The following USP36 variants were observed in gnomAD, a reference collection of about 807,000 sequenced individuals.
USP36 encodes ubiquitin specific peptidase 36, also known as ubiquitin carboxyl-terminal hydrolase 36.
A neutral mutation model predicts 111.5 loss-of-function variants in USP36; 59 were observed. The observed-to-expected ratio is 0.53, with a 90% CI of 0.43 to 0.66. USP36 has a LOEUF of 0.66. Among genes scored for constraint, USP36 ranks in the 30% least tolerant of loss-of-function variants. The pLI is 0.00. For synonymous variants in USP36, 628 were observed against 581.0 expected (o/e 1.08, Z -1.16); for missense variants, 1,488 against 1,468.0 (o/e 1.01, Z -0.22).
intron 6 of USP36, among the ~76,000 whole-genome samples, chr17:78,822,325 TTC>T (rs2094349221): frequency 1.3e-5 from 2 of 152,184 alleles, no homozygotes; most frequent in South Asian, 4.1e-4. Flanking sequence ...GTGTTGCCTT[TTC>T]TTTTTGGTCT....
intron 3 of USP36, among the ~76,000 whole-genome samples, chr17:78,788,990 G>C (rs2093558836): frequency 6.6e-6 from 1 of 151,852 alleles, no homozygotes; most frequent in Non-Finnish European, 1.5e-5. Context: ...ACGAGGTCAG[G>C]AGTTCGAGAC....
At chr17:78,805,975 T>C (rs1207789698) in intron 15 of USP36, among the ~76,000 whole-genome samples, 181 bp downstream of exon 15, 1 of 152,120 alleles carries the variant, frequency 6.6e-6, no homozygotes, top group Non-Finnish European at 1.5e-5. Context: ...AAAGCTCCTT[T>C]ACCACAGGGG....
chr17:78,808,625 A>G (rs573132359), intron 13 of USP36, among the ~76,000 whole-genome samples: 12 of 152,368 alleles, frequency 7.9e-5, no homozygotes, highest in African/African-American at 2.9e-4. Context: ...GTTAATTTAT[A>G]TAAGCTATAT....
Position 78,836,091 on chromosome 17 carries a change from A to G in USP36, c.253+20T>C. The G allele has an allele frequency of 1.2e-6, 2 of 1,608,766 alleles. No homozygotes were observed. Among genetic ancestry groups the G allele is most frequent in the Non-Finnish European group, 1.7e-6 (2 of 1,176,776 alleles). On this transcript the variant is annotated intron_variant, in intron 3 of 20. Coordinates refer to ENST00000449938, the MANE Select transcript of USP36 (RefSeq NM_001385174.1). ...ACCCCGGAGTGAGGGCCTCTCTGCC[A>G]GCACACTGCACATCTGTACCCTGTC... is the stretch of plus-strand genomic sequence containing the variant.
intron 6 of USP36, chr17:78,826,698 G>A (rs2067570390): frequency 1.1e-5 from 2 of 189,236 alleles, no homozygotes; most frequent in South Asian, 1.1e-4. Context: ...GACAATTTGT[G>A]ATGGCAACCA....
intron 3 of USP36, among the ~76,000 whole-genome samples, chr17:78,789,457 G>T (rs1434636662): frequency 6.6e-6 from 1 of 152,106 alleles, no homozygotes; most frequent in African/African-American, 2.4e-5. Flanking sequence ...AGCTCTGCCA[G>T]GGAGCAAGCC....
downstream of USP36, chr17:78,791,802 A>G (rs1486502584): frequency 6.6e-6 from 1 of 152,242 alleles, no homozygotes; most frequent in East Asian, 1.9e-4. Flanking sequence ...GCCTTAAAAG[A>G]TTGTCCTGGA....
In USP36 at chr17:78,831,238, AAAAAAAAAAAAAAAAG is replaced by A. The variant is rs1345659527; in HGVS notation, c.476-2247_476-2232del. ...GAAACTCCATCTCAAAAAAAAAAAA[AAAAAAAAAAAAAAAAG>A]GGACAACATAAATATTGAAGAGCTC... is the stretch of plus-strand genomic sequence containing the variant. On this transcript the variant is annotated intron_variant, in intron 4 of 20. Transcript: ENST00000449938. Among the ~76,000 whole-genome samples the A allele has an allele frequency of 1.7e-4, 25 of 148,032 alleles. 1 individual carries two copies. Among genetic ancestry groups the A allele is most frequent in the African/African-American group, 4.7e-4 (19 of 40,038 alleles).
In USP36 at chr17:78,807,621, T is replaced by C. The variant is rs758693190; in HGVS notation, c.1423A>G (p.Thr475Ala). The C allele has an allele frequency of 2.6e-6, 4 of 1,530,500 alleles. No homozygotes were observed. Among genetic ancestry groups the C allele is most frequent in the Non-Finnish European group, 3.5e-6 (4 of 1,139,744 alleles). The allele number at this position is 1,530,500 out of a possible 1,614,324, so 94.8% of individuals were successfully genotyped here. ...PLTGKRQDSGTMKKPHTTEEI... is the reference protein window; with the variant it reads ...PLTGKRQDSGAMKKPHTTEEI... ...TCAGTGGTGTGCGGCTTCTTCATCG[T>C]CCCAGAGTCTTGTCGCTAAGGAGAC... The change falls in exon 14 of 21, where the codon ACG becomes GCG. Residue 475 changes from threonine (T) to alanine (A), a missense_variant. By Grantham distance (58) the Thr-to-Ala change is moderately conservative (BLOSUM62 0). Around this residue, in one of 3 missense-constraint regions of USP36, gnomAD observed 1,073 missense variants for 994.1 expected, o/e 1.08. Coordinates refer to ENST00000449938, the MANE Select transcript of USP36 (RefSeq NM_001385174.1).
At position 78,803,125 on chromosome 17, in the gene USP36, A is replaced by C. The variant is rs1047359969; in HGVS notation, c.2810+260T>G. ...AACCAATTTTTGTTTTTGGTAGAGA[A>C]AGGGCTTTTCCATATTGCCTAGGCT... On this transcript the variant is annotated intron_variant, in intron 16 of 20. Coordinates refer to ENST00000449938, the MANE Select transcript of USP36 (RefSeq NM_001385174.1). The surrounding 1 kb of genome is among the most constrained non-coding windows in gnomAD (Gnocchi z 4.6). Among the ~76,000 whole-genome samples the C allele has an allele frequency of 6.6e-6, 1 of 151,802 alleles. No homozygotes were observed. The highest frequency in any genetic ancestry group is 1.5e-5 in the Non-Finnish European group (1 of 67,948).
At chr17:78,794,740 G>A (rs540532519), downstream of USP36, among the ~76,000 whole-genome samples, 2 of 152,278 alleles carry the variant, frequency 1.3e-5, no homozygotes, top group East Asian at 3.9e-4. Context: ...AGGCGCAGTG[G>A]CTCACGCCTG....
chr17:78,802,669 T>C, intron 16 of USP36, 134 bp from the exon 17 acceptor site: 1 of 840,348 alleles, frequency 1.2e-6, no homozygotes, highest in South Asian at 1.8e-5. Context: ...CCTGCAACAT[T>C]CTTCCCCCCA....
rs2093670224 is a variant in USP36 at position 78,798,632 on chromosome 17, C to T, written c.3241-81G>A. 2.5e-6 allele frequency: 4 copies of T among 1,589,520 alleles called. No individual in the cohort carries two copies. In the African/African-American group the frequency reaches 4.0e-5, roughly 16 times the overall value. On this transcript the variant is annotated intron_variant, in intron 19 of 20. Transcript: ENST00000449938. This position sits in a 1 kb window ranked among gnomAD's most constrained non-coding sequence, Gnocchi z 5.1. ...CGGGGCTCCATGCTGCATGCAGGTC[C>T]TGCACACAGGCCGGGCTCTCATGAG...
chr17:78,840,936 A>G (rs1184023601), upstream of USP36: 1 of 152,154 alleles, frequency 6.6e-6, no homozygotes, highest in Non-Finnish European at 1.5e-5. Context: ...AGATTCCGCT[A>G]ACTCCCTGTC....
intron 13 of USP36, among the ~76,000 whole-genome samples, chr17:78,811,935 T>C (rs980717475): frequency 6.6e-6 from 1 of 152,158 alleles, no homozygotes; most frequent in Non-Finnish European, 1.5e-5. Context: ...GTGCCTGTAA[T>C]CCTGGCACTC....
chr17:78,798,573 T>G lies in USP36; in HGVS notation c.3241-22A>C. The G allele has an allele frequency of 6.2e-7, 1 of 1,610,356 alleles. No homozygotes were observed. The highest frequency in any genetic ancestry group is 8.5e-7 in the Non-Finnish European group (1 of 1,179,798). ...TTTCCTAGACCAAGAATCACAGGCA[T>G]CACAGTTCCCAAAAACGGCTCTTTC... On this transcript the variant is annotated intron_variant, in intron 19 of 20. Coordinates refer to ENST00000449938, the MANE Select transcript of USP36 (RefSeq NM_001385174.1). This position sits in a 1 kb window ranked among gnomAD's most constrained non-coding sequence, Gnocchi z 5.1.
Position 78,798,229 on chromosome 17 carries a change from T to C in USP36, c.*20+171A>G. The C allele has an allele frequency of 1.3e-6, 1 of 796,304 alleles. No homozygotes were observed. Among genetic ancestry groups the C allele is most frequent in the Non-Finnish European group, 1.9e-6 (1 of 517,580 alleles). The allele number at this position is 796,304 out of a possible 1,614,324, so 49.3% of individuals were successfully genotyped here. On this transcript the variant is annotated intron_variant, in intron 20 of 20. Coordinates refer to ENST00000449938, the MANE Select transcript of USP36 (RefSeq NM_001385174.1). The surrounding 1 kb of genome is among the most constrained non-coding windows in gnomAD (Gnocchi z 5.1). Reference sequence around the variant, plus strand: ...CCACACACACCCTTCTCCAAGTGACTAGGACACACACCACAGACGCGCCCA... The same window carrying C: ...CCACACACACCCTTCTCCAAGTGACCAGGACACACACCACAGACGCGCCCA...
chr17:78,836,253 T>G lies in USP36; in HGVS notation c.111A>C (p.Leu37Phe), dbSNP rs1489602874. The change falls in exon 3 of 21, where the codon TTA becomes TTC. Residue 37 changes from leucine to phenylalanine, a missense_variant. Physicochemically the swap from Leu to Phe is conservative, Grantham distance 22. Transcript: ENST00000449938. The part of the protein sequence containing the change: ...LLASSAKKVL[L>F]QKIEFEPASK... ...TGGCTGGCTCGAACTCGATTTTCTG[T>G]AAAAGGACCTTCTTGGCAGAGGAGG... 2 of 1,614,092 alleles carry G rather than the reference T, an allele frequency of 1.2e-6. No homozygotes were observed. Among genetic ancestry groups the G allele is most frequent in the African/African-American group, 2.7e-5 (2 of 74,996 alleles).
chr17:78,808,554 C>T (rs1041301092), intron 13 of USP36, among the ~76,000 whole-genome samples: 11 of 152,190 alleles, frequency 7.2e-5, no homozygotes, highest in East Asian at 1.9e-4. Flanking sequence ...CCCTGCCTGT[C>T]GGCCTGTCTT....
Sources: allele counts gnomAD v4.1 joint callset (sites outside exome capture counted in the v4.1 genomes callset), GRCh38; gene constraint gnomAD v4.1.1; regional missense constraint gnomAD v4.1.1; non-coding constraint Gnocchi (gnomAD v3.1); transcripts MANE v1.5; gene names NCBI Gene and HGNC (gene_info 2026-07-23, HGNC 2026-07-21).